CANX: variants seen among roughly 807,000 people sequenced by gnomAD.
The protein encoded by CANX is epididymis secretory sperm binding protein.
In CANX, 14 loss-of-function variants were observed where a neutral mutation model predicts 75.7. That is an observed-to-expected ratio of 0.19 (90% CI 0.12 to 0.29). The LOEUF is 0.29. Ranked by LOEUF, CANX falls within the 10% of genes least tolerant of loss-of-function variation. CANX has a pLI of 1.00. For missense variants in CANX, 567 were observed against 713.2 expected (o/e 0.79, Z 2.34); for synonymous variants, 227 against 236.9 (o/e 0.96, Z 0.38).
At position 179,728,623 on chromosome 5, in the gene CANX, C is replaced by T. The variant is rs1166752990; in HGVS notation, c.1758C>T (p.Asn586=). ...EDEILNRSPR[N]RKPRRE ...AAATTTTGAACAGATCACCAAGAAA[C>T]AGAAAGCCACGAAGAGAGTGAAACA... is the stretch of plus-strand genomic sequence containing the variant. Residue 586 remains asparagine (N), a synonymous_variant, in exon 15 of 15, where the codon AAC becomes AAT. Transcript: ENST00000247461. 3 of 1,608,490 alleles carry T rather than the reference C, an allele frequency of 1.9e-6. No individual in the cohort carries two copies. The highest frequency in any genetic ancestry group is 1.3e-5 in the African/African-American group (1 of 74,906).
intron 1 of CANX, among the ~76,000 whole-genome samples, chr5:179,684,924 G>GTTTTTTTTTTTTTTTTTT (rs781629512): frequency 3.5e-5 from 1 of 28,984 alleles, no homozygotes; most frequent in Non-Finnish European, 6.8e-5. Flanking sequence ...GGCTAATTTT[G>GTTTTTTTTTTTTTTTTTT]TATTTTTTTT....
chr5:179,710,763 AGAATC>A (rs925615251), intron 7 of CANX, among the ~76,000 whole-genome samples: 16 of 146,296 alleles, frequency 1.1e-4, no homozygotes, highest in Non-Finnish European at 4.5e-5. Context: ...CCAAACAAGA[AGAATC>A]TCAGCCTGGT....
rs1356619155 is a variant in CANX, at chr5:179,698,998, A to G, written c.-108A>G. 49 of 1,120,534 alleles carry G rather than the reference A, an allele frequency of 4.4e-5. No homozygotes were observed. The highest frequency in any genetic ancestry group is 5.3e-5 in the Admixed American group (1 of 19,044). The allele number at this position is 1,120,534 out of a possible 1,614,324, so 69.4% of individuals were successfully genotyped here. A position where few individuals can be genotyped will look rare whatever the true frequency, so the allele number is the denominator to read the frequency against. Reference sequence around the variant, plus strand: ...GGCCGAGGCCTCTTGGTTCTGCGGCACGTGACGGTCGGGCCGCCTCCGCCT... The same window carrying G: ...GGCCGAGGCCTCTTGGTTCTGCGGCGCGTGACGGTCGGGCCGCCTCCGCCT... On this transcript the variant is annotated 5_prime_UTR_variant, in exon 1 of 15. Transcript: ENST00000247461.
At chr5:179,707,779 A>T (rs1777258366) in intron 4 of CANX, among the ~76,000 whole-genome samples, 1 of 151,988 alleles carries the variant, frequency 6.6e-6, no homozygotes, top group African/African-American at 2.4e-5. Context: ...AATACACTAC[A>T]GTTTTAAAAA....
At chr5:179,714,506 AT>A (rs890764619) in intron 7 of CANX, among the ~76,000 whole-genome samples, 1 of 151,238 alleles carries the variant, frequency 6.6e-6, no homozygotes, top group Non-Finnish European at 1.5e-5. Flanking sequence ...TAACTTTTTT[AT>A]TTTTTTATTT....
Position 179,722,953 on chromosome 5 carries a change from A to C in CANX, c.1332A>C (p.Arg444=). Residue 444 remains arginine, a synonymous_variant, in exon 11 of 15, where the codon CGA becomes CGC. Coordinates refer to ENST00000247461, the MANE Select transcript of CANX (RefSeq NM_001746.4). ...FFDNFIICAD[R]RIVDDWANDG... is the part of the protein sequence containing the mutation. ...ACAACTTTATCATTTGTGCTGATCG[A>C]AGAATAGTTGATGATTGGGCCAATG... 1 of 1,614,118 alleles carries C rather than the reference A, an allele frequency of 6.2e-7. No individual in the cohort carries two copies. The highest frequency in any genetic ancestry group is 8.5e-7 in the Non-Finnish European group (1 of 1,180,006).
intron 1 of CANX, chr5:179,701,131 G>T (rs1215015798): frequency 6.6e-6 from 1 of 152,112 alleles, no homozygotes; most frequent in Non-Finnish European, 1.5e-5. Flanking sequence ...CTCCCAAAAT[G>T]CTGGGATTAC....
At chr5:179,715,121 A>G (rs1205693873) in intron 7 of CANX, among the ~76,000 whole-genome samples, 1 of 152,180 alleles carries the variant, frequency 6.6e-6, no homozygotes, top group Non-Finnish European at 1.5e-5. Context: ...TTTCATTATC[A>G]CTGACACAGC....
At chr5:179,709,796 TATC>T (rs1355371306) in intron 6 of CANX, 74 bp from the exon 7 acceptor site, 7 of 890,442 alleles carry the variant, frequency 7.9e-6, no homozygotes, top group South Asian at 4.1e-5. Context: ...TAAGAGGAAT[TATC>T]ATACACTTTT....
intron 11 of CANX, chr5:179,723,446 G>A (rs1778441189): frequency 2.0e-6 from 1 of 494,732 alleles, no homozygotes; most frequent in African/African-American, 2.0e-5. Flanking sequence ...GTAGAAGCCA[G>A]CTTTTGCACC....
intron 13 of CANX, among the ~76,000 whole-genome samples, chr5:179,725,916 A>G (rs547895588): frequency 6.6e-6 from 1 of 150,528 alleles, no homozygotes; most frequent in Non-Finnish European, 1.5e-5. Flanking sequence ...TGAACCCGGA[A>G]GGCAGAGGTT....
At chr5:179,696,348 T>G (rs1038642585), upstream of CANX, among the ~76,000 whole-genome samples, 1 of 137,300 alleles carries the variant, frequency 7.3e-6, no homozygotes, top group African/African-American at 2.7e-5. Context: ...CAATCTTGGC[T>G]CACTGCAACC....
intron 11 of CANX, chr5:179,723,396 T>G: frequency 2.2e-6 from 1 of 448,574 alleles, no homozygotes; most frequent in Non-Finnish European, 3.9e-6. Context: ...GATAAGAAAT[T>G]CACTGGATCC....
chr5:179,720,245 A>T (rs1778225107), intron 9 of CANX, among the ~76,000 whole-genome samples, 159 bp from the exon 10 acceptor site: 1 of 152,156 alleles, frequency 6.6e-6, no homozygotes, highest in Non-Finnish European at 1.5e-5. Context: ...TAAAAAATAA[A>T]TTTTTCCTGA....
intron 12 of CANX, 46 bp downstream of exon 12, chr5:179,723,825 AGT>A: frequency 6.6e-7 from 1 of 1,516,138 alleles, no homozygotes; most frequent in Non-Finnish European, 9.0e-7. Context: ...ACATCACTCT[AGT>A]GATTATTAAA....
chr5:179,689,394 T>G (rs866171438), intron 1 of CANX, among the ~76,000 whole-genome samples: 16 of 145,312 alleles, frequency 1.1e-4, no homozygotes, highest in African/African-American at 3.8e-4. Context: ...TTTTTTTTTT[T>G]TTTTTTTTTT....
At chr5:179,717,513 C>T (rs575341282) in intron 8 of CANX, among the ~76,000 whole-genome samples, 1 of 152,210 alleles carries the variant, frequency 6.6e-6, no homozygotes, top group South Asian at 2.1e-4. Context: ...ACAGTGTTTT[C>T]CAGGTTTATC....
intron 1 of CANX, among the ~76,000 whole-genome samples, chr5:179,691,303 G>C (rs1448744773): frequency 1.3e-5 from 2 of 152,142 alleles, no homozygotes; most frequent in Non-Finnish European, 1.5e-5. Flanking sequence ...GGGATTACAG[G>C]TGTGAGCCAT....
chr5:179,708,047 G>C (rs894234175), intron 4 of CANX, among the ~76,000 whole-genome samples, 192 bp from the exon 5 acceptor site: 2 of 152,112 alleles, frequency 1.3e-5, no homozygotes, highest in African/African-American at 4.8e-5. Flanking sequence ...ATGTTGGCCA[G>C]GCTGGTCTCG....
Sources: gnomAD v4.1 joint callset for allele counts (sites outside exome capture counted in the v4.1 genomes callset) on GRCh38, gnomAD v4.1.1 for gene constraint, MANE v1.5 for transcripts, NCBI Gene and HGNC (gene_info 2026-07-23, HGNC 2026-07-21) for gene names.